The following VPS13C variants were observed in gnomAD, a reference collection of about 807,000 sequenced individuals.
The protein encoded by VPS13C is vacuolar protein sorting 13 homolog C.
In VPS13C, 358 loss-of-function variants were observed where a neutral mutation model predicts 456.8. The ratio of observed to expected loss-of-function variants is 0.78; its 90% confidence interval spans 0.72 to 0.86. The LOEUF (loss-of-function observed/expected upper bound fraction) is 0.86, where lower values mean the gene tolerates loss of function less well. VPS13C is among the 40% of genes least tolerant of loss of function. VPS13C has a pLI of 0.00. For missense variants in VPS13C, 4,818 were observed against 4,385.4 expected, an observed-to-expected ratio of 1.10 and a Z score of -2.79; for synonymous variants, 1,578 against 1,486.7, an observed-to-expected ratio of 1.06 and a Z score of -1.41.
intron 42 of VPS13C, among the ~76,000 whole-genome samples, chr15:61,948,914 T>G (rs1479192273): frequency 6.6e-6 from 1 of 152,182 alleles, no homozygotes; most frequent in African/African-American, 2.4e-5. Context: ...CATACCTAAT[T>G]TTTCATAACA....
In VPS13C at chr15:62,034,955, A is replaced by G; in HGVS notation, c.283+2T>C. ...GAATGGTTATAACCTAAAATAACAT[A>G]CTTGCTCCAGGGACAACAAGCAGGT... is the stretch of plus-strand genomic sequence containing the variant. On this transcript the variant is annotated splice_donor_variant, in intron 4 of 84. Coordinates refer to ENST00000644861, the MANE Select transcript of VPS13C (RefSeq NM_020821.3). LOFTEE classifies it high-confidence loss of function. The G allele has an allele frequency of 6.3e-7, 1 of 1,587,774 alleles. No homozygotes were observed.
At chr15:62,034,865 C>A in intron 4 of VPS13C, 92 bp downstream of exon 4, 3 of 817,348 alleles carry the variant, frequency 3.7e-6, no homozygotes, top group Non-Finnish European at 5.6e-6. Context: ...TACCTTCTAT[C>A]TTAATAAATA....
At chr15:61,995,783 TA>T (rs1301833327) in intron 16 of VPS13C, among the ~76,000 whole-genome samples, 4 of 152,204 alleles carry the variant, frequency 2.6e-5, no homozygotes, top group African/African-American at 9.7e-5. Context: ...CATCTTGCAA[TA>T]TTTTAAAACC....
Position 62,020,499 on chromosome 15 carries a change from G to C in VPS13C, c.664C>G (p.Leu222Val), listed in dbSNP as rs369975775. 43 of 1,611,468 alleles carry C rather than the reference G, an allele frequency of 2.7e-5. No homozygotes were observed. The highest frequency in any genetic ancestry group is 3.6e-5 in the Non-Finnish European group (42 of 1,178,514). Residue 222 changes from leucine to valine, a missense_variant, in exon 9 of 85, where the codon CTG becomes GTG. Physicochemically the swap from Leu to Val is conservative, Grantham distance 32. Transcript: ENST00000644861. ...ATTACCAGTAGACTAAGCTCTCCCAGTGTGACACCAAATGAAAGAGGCCGC... is the reference window on the plus strand; with the variant it reads ...ATTACCAGTAGACTAAGCTCTCCCACTGTGACACCAAATGAAAGAGGCCGC... ...PKRPLSFGVT[L>V]GELSLLTANE...
chr15:62,020,092 G>A (rs1451275928), intron 9 of VPS13C, among the ~76,000 whole-genome samples: 5 of 148,818 alleles, frequency 3.4e-5, no homozygotes, highest in African/African-American at 1.3e-4. Flanking sequence ...TGAGATGAGT[G>A]TGCGCACACA....
At position 61,877,023 on chromosome 15, in the gene VPS13C, A is replaced by T. The variant is rs1436282110; in HGVS notation, c.10174T>A (p.Tyr3392Asn). The T allele has an allele frequency of 6.2e-7, 1 of 1,609,876 alleles. No homozygotes were observed. The highest frequency in any genetic ancestry group is 1.1e-5 in the South Asian group (1 of 90,548). Residue 3392 changes from tyrosine to asparagine, a missense_variant, in exon 75 of 85, where the codon TAC (tyrosine) becomes AAC (asparagine). Tyr to Asn is a moderately radical substitution (Grantham distance 143). Around this residue, in one of 3 missense-constraint regions of VPS13C, gnomAD observed 4,552 missense variants for 4,130.6 expected, o/e 1.10. Coordinates refer to ENST00000644861, the MANE Select transcript of VPS13C (RefSeq NM_020821.3). The stretch of plus-strand genomic sequence containing the variant: ...CTCCATATAAGCTGATCTCTCTTGT[A>T]GAACTGATATCGAATTTCATAATAA... ...LAYYEIRYQF[Y>N]KRDQLIWSVV...
intron 73 of VPS13C, 52 bp from the exon 74 acceptor site, chr15:61,878,798 A>C (rs1293471787): frequency 6.5e-7 from 1 of 1,538,318 alleles, no homozygotes; most frequent in East Asian, 2.3e-5. Context: ...AAAAATTTAC[A>C]TATTTAGGAT....
intron 27 of VPS13C, among the ~76,000 whole-genome samples, chr15:61,971,166 A>G (rs551309739): frequency 1.7e-4 from 26 of 152,216 alleles, no homozygotes; most frequent in Admixed American, 5.9e-4. Context: ...TAGGCCATGG[A>G]AAGGACTTAG....
intron 82 of VPS13C, chr15:61,856,696 T>C (rs1258290244): frequency 4.5e-6 from 1 of 223,702 alleles, no homozygotes; most frequent in South Asian, 7.3e-5. Flanking sequence ...TCTTTTTTTT[T>C]TTTTTTTTTT....
At chr15:61,982,701 T>C (rs2045924025) in intron 20 of VPS13C, 128 bp from the exon 21 acceptor site, 1 of 601,734 alleles carries the variant, frequency 1.7e-6, no homozygotes, top group Admixed American at 3.2e-5. Flanking sequence ...TATTCTGTCC[T>C]ACTACATCTC....
chr15:61,873,670 AC>A (rs1346285475), intron 77 of VPS13C, among the ~76,000 whole-genome samples: 1 of 152,040 alleles, frequency 6.6e-6, no homozygotes, highest in Non-Finnish European at 1.5e-5. Flanking sequence ...AAAAAAAATC[AC>A]AAACGCTGTC....
chr15:61,951,138 T>G (rs2044777867), intron 39 of VPS13C, 114 bp from the exon 40 acceptor site: 2 of 592,958 alleles, frequency 3.4e-6, no homozygotes, highest in South Asian at 6.0e-5. Flanking sequence ...GACTGTACAC[T>G]AAAAAGAGTG....
At chr15:61,960,750 C>G (rs1390525786) in intron 35 of VPS13C, among the ~76,000 whole-genome samples, 1 of 152,078 alleles carries the variant, frequency 6.6e-6, no homozygotes, top group African/African-American at 2.4e-5. Flanking sequence ...TTCTGTAGGT[C>G]TGAAATTTTT....
intron 75 of VPS13C, among the ~76,000 whole-genome samples, chr15:61,876,366 T>C (rs1895427259): frequency 6.6e-6 from 1 of 152,048 alleles, no homozygotes; most frequent in Non-Finnish European, 1.5e-5. Flanking sequence ...TGTTAGTTTT[T>C]TTTAGTATTA....
intron 18 of VPS13C, 24 bp downstream of exon 18, chr15:61,990,963 ATGAGACAAAATTC>A (rs1322413312): frequency 7.0e-7 from 1 of 1,428,534 alleles, no homozygotes; most frequent in African/African-American, 1.4e-5. Context: ...ATATAGTACA[ATGAGACAAAATTC>A]CTTTAAACCA....
intron 50 of VPS13C, 65 bp downstream of exon 50, chr15:61,931,025 C>A: frequency 1.3e-6 from 2 of 1,584,004 alleles, no homozygotes; most frequent in Non-Finnish European, 1.7e-6. Flanking sequence ...CCTAGCAATG[C>A]CTGGCAGCCA....
intron 67 of VPS13C, among the ~76,000 whole-genome samples, chr15:61,886,267 T>A (rs1309566585): frequency 6.6e-6 from 1 of 152,162 alleles, no homozygotes; most frequent in Non-Finnish European, 1.5e-5. Flanking sequence ...TTTTCTAATT[T>A]TTCTGGCCAT....
At chr15:62,035,249 T>C (rs148767329) in intron 3 of VPS13C, among the ~76,000 whole-genome samples, 197 bp from the exon 4 acceptor site, 7 of 152,116 alleles carry the variant, frequency 4.6e-5, no homozygotes, top group Non-Finnish European at 8.8e-5. Flanking sequence ...AATAGTCACA[T>C]TGTAATTTTT....
At chr15:61,948,350 G>C (rs943308227) in intron 42 of VPS13C, among the ~76,000 whole-genome samples, 1 of 152,070 alleles carries the variant, frequency 6.6e-6, no homozygotes, top group Non-Finnish European at 1.5e-5. Flanking sequence ...TTTTACTCTA[G>C]TTTATAAGGA....
Sources: allele counts gnomAD v4.1 joint callset (sites outside exome capture counted in the v4.1 genomes callset), GRCh38; gene constraint gnomAD v4.1.1; regional missense constraint gnomAD v4.1.1; transcripts MANE v1.5; gene names NCBI Gene and HGNC (gene_info 2026-07-23, HGNC 2026-07-21).